EPB41L5: variants seen among roughly 807,000 people sequenced by gnomAD.
EPB41L5 encodes the protein band 4.1-like protein 5.
EPB41L5 carries 55 observed loss-of-function variants against 106.6 expected under a neutral mutation model. The ratio of observed to expected loss-of-function variants is 0.52; its 90% CI spans 0.42 to 0.65. EPB41L5 has a LOEUF of 0.65. Among genes scored for constraint, EPB41L5 ranks in the 30% least tolerant of loss-of-function variants. EPB41L5 has a pLI of 0.00. For missense variants in EPB41L5, 871 were observed against 882.1 expected (o/e 0.99, Z 0.16); for synonymous variants, 297 against 306.7 (o/e 0.97, Z 0.33).
At chr2:120,077,344 A>T in intron 9 of EPB41L5, 28 bp downstream of exon 9, 4 of 1,583,254 alleles carry the variant, frequency 2.5e-6, no homozygotes, top group Non-Finnish European at 3.4e-6. Flanking sequence ...ATGCTTTTTT[A>T]AAAATTTATT....
intron 11 of EPB41L5, among the ~76,000 whole-genome samples, chr2:120,088,570 C>T (rs1321782711): frequency 6.6e-6 from 1 of 152,128 alleles, no homozygotes; most frequent in Non-Finnish European, 1.5e-5. Flanking sequence ...CAAACCTTCT[C>T]TTGTACCCCA....
chr2:120,049,774 T>C (rs1680094234), intron 3 of EPB41L5, among the ~76,000 whole-genome samples: 1 of 152,204 alleles, frequency 6.6e-6, no homozygotes, highest in South Asian at 2.1e-4. Context: ...GTCTTTACAA[T>C]TTGGCATGGT....
intron 14 of EPB41L5, among the ~76,000 whole-genome samples, chr2:120,097,815 G>A (rs902093100): frequency 6.6e-6 from 1 of 152,154 alleles, no homozygotes; most frequent in Non-Finnish European, 1.5e-5. Flanking sequence ...GTGAAAGAAT[G>A]TATATAATTA....
At position 120,178,469 on chromosome 2, in the gene EPB41L5, G is replaced by A. The variant is rs144597573; in HGVS notation, c.*3562G>A. On this transcript the variant is annotated 3_prime_UTR_variant, in exon 25 of 25. Coordinates refer to ENST00000263713, the MANE Select transcript of EPB41L5 (RefSeq NM_020909.4). ...GTCTCAGCTCTGAGGGTCTTTGTGA[G>A]TTCCCACCAACTTTTAATTATTCAT... The A allele has an allele frequency of 1.3e-5, 2 of 152,134 alleles. No homozygotes were observed. Among genetic ancestry groups the A allele is most frequent in the Admixed American group, 1.3e-4 (2 of 15,266 alleles). 9.4% of individuals were successfully genotyped at this position (152,134 alleles called of 1,614,324 possible). A position where few individuals can be genotyped will look rare whatever the true frequency, so the allele number is the denominator to read the frequency against.
In EPB41L5 at chr2:120,075,726, G is replaced by T; in HGVS notation, c.478G>T (p.Val160Leu). Reference sequence around the variant, plus strand: ...ATTAGACTGTCCCTTTGATACAGCAGTGCAATTGGCAGCTTATAATCTGCA... The same window carrying T: ...ATTAGACTGTCCCTTTGATACAGCATTGCAATTGGCAGCTTATAATCTGCA... ...GKLDCPFDTA[V>L]QLAAYNLQAE... Residue 160 changes from valine (V) to leucine (L), a missense_variant, in exon 7 of 25, where the codon GTG (valine) becomes TTG (leucine). Transcript: ENST00000263713. 1 of 1,613,634 alleles carries T rather than the reference G, an allele frequency of 6.2e-7. No individual in the cohort carries two copies.
At chr2:120,090,304 T>C in intron 11 of EPB41L5, 43 bp from the exon 12 acceptor site, 1 of 1,503,804 alleles carries the variant, frequency 6.6e-7, no homozygotes. Context: ...ATAGGACTGT[T>C]TGAATTAGTA....
intron 2 of EPB41L5, among the ~76,000 whole-genome samples, chr2:120,035,209 C>G (rs1678968415): frequency 6.6e-6 from 1 of 152,126 alleles, no homozygotes; most frequent in South Asian, 2.1e-4. Flanking sequence ...TTATCACTCG[C>G]TAGCATAATA....
intron 16 of EPB41L5, among the ~76,000 whole-genome samples, chr2:120,112,872 A>G (rs1357240193): frequency 1.3e-5 from 2 of 152,208 alleles, no homozygotes; most frequent in Non-Finnish European, 2.9e-5. Context: ...TATTCAGGCT[A>G]GTGAAGAAAT....
chr2:120,051,631 T>G (rs1006951707), intron 3 of EPB41L5, among the ~76,000 whole-genome samples: 1 of 152,208 alleles, frequency 6.6e-6, no homozygotes, highest in Non-Finnish European at 1.5e-5. Context: ...ATTCCCTGAC[T>G]CCTTGCGCTT....
At chr2:120,023,310 T>A (rs1678070079) in intron 2 of EPB41L5, among the ~76,000 whole-genome samples, 1 of 152,188 alleles carries the variant, frequency 6.6e-6, no homozygotes, top group African/African-American at 2.4e-5. Context: ...TTTTTATGGT[T>A]TTAGGTTTTA....
In EPB41L5 at chr2:120,175,161, A is replaced by G; in HGVS notation, c.*254A>G. The G allele has an allele frequency of 2.2e-6, 1 of 452,590 alleles. No homozygotes were observed. Among genetic ancestry groups the G allele is most frequent in the South Asian group, 3.1e-5 (1 of 32,470 alleles). 28.0% of individuals were successfully genotyped at this position (452,590 alleles called of 1,614,324 possible). Reference sequence around the variant, plus strand: ...CTTTTATAAATGTTACAAATTCCCGAAAGAAGGGAATTTCTTTTTCTGGGG... The same window carrying G: ...CTTTTATAAATGTTACAAATTCCCGGAAGAAGGGAATTTCTTTTTCTGGGG... On this transcript the variant is annotated 3_prime_UTR_variant, in exon 25 of 25. Coordinates refer to ENST00000263713, the MANE Select transcript of EPB41L5 (RefSeq NM_020909.4).
At chr2:120,127,986 C>T (rs986890714) in intron 17 of EPB41L5, 135 bp downstream of exon 17, 6 of 733,492 alleles carry the variant, frequency 8.2e-6, no homozygotes, top group South Asian at 3.6e-5. Flanking sequence ...GTTATGCCCT[C>T]TTGCCTTTTT....
chr2:120,142,995 A>G lies in EPB41L5; in HGVS notation c.1600-8A>G, dbSNP rs1487651154. ...GAGTTGATTATAGTATATTTTTAAA[A>G]TATCTAGGAGGAAGTGGTGAAGTTG... On this transcript the variant is annotated splice_polypyrimidine_tract_variant and splice_region_variant and intron_variant, in intron 18 of 24. Coordinates refer to ENST00000263713, the MANE Select transcript of EPB41L5 (RefSeq NM_020909.4). The G allele has an allele frequency of 5.0e-6, 8 of 1,609,286 alleles. No individual in the cohort carries two copies.
rs777452367 is a variant in EPB41L5 at position 120,077,104 on chromosome 2, T to G, written c.626+13T>G. ...GGAAGGAATACAGGTATCTGGCGTT[T>G]GACCATACTTTCTTTAAAATCACCA... On this transcript the variant is annotated intron_variant, in intron 8 of 24. Transcript: ENST00000263713. 3.1e-6 allele frequency: 5 copies of G among 1,605,964 alleles called. No homozygotes were observed. In the Admixed American group the frequency reaches 8.5e-5, roughly 27 times the overall value.
chr2:120,110,475 C>G (rs1282874133), intron 16 of EPB41L5, among the ~76,000 whole-genome samples: 2 of 152,142 alleles, frequency 1.3e-5, no homozygotes, highest in African/African-American at 2.4e-5. Flanking sequence ...TTTTAAATTT[C>G]CACACTTACA....
chr2:120,136,609 A>G (rs528449270), intron 18 of EPB41L5, among the ~76,000 whole-genome samples: 1 of 152,006 alleles, frequency 6.6e-6, no homozygotes, highest in African/African-American at 2.4e-5. Flanking sequence ...GGTTATTTAT[A>G]TTAGATAAAA....
intron 10 of EPB41L5, among the ~76,000 whole-genome samples, chr2:120,085,608 C>G (rs190951838): frequency 1.3e-5 from 2 of 152,200 alleles, no homozygotes; most frequent in East Asian, 3.9e-4. Context: ...AAACTCCGTG[C>G]TGAGAGAACC....
intron 20 of EPB41L5, 142 bp downstream of exon 20, chr2:120,146,431 A>G (rs1324802293): frequency 9.2e-6 from 5 of 541,968 alleles, no homozygotes; most frequent in Non-Finnish European, 1.7e-5. Context: ...ATTACAGACC[A>G]CTTAGTACCT....
At chr2:120,110,049 T>C (rs1684649838) in intron 16 of EPB41L5, among the ~76,000 whole-genome samples, 1 of 152,248 alleles carries the variant, frequency 6.6e-6, no homozygotes, top group African/African-American at 2.4e-5. Flanking sequence ...CAGAGGAGCA[T>C]TGTTTTAATC....
Sources: allele counts gnomAD v4.1 joint callset (sites outside exome capture counted in the v4.1 genomes callset), GRCh38; gene constraint gnomAD v4.1.1; transcripts MANE v1.5; gene names NCBI Gene and HGNC (gene_info 2026-07-23, HGNC 2026-07-21).